MEGF10: variants seen among roughly 807,000 people sequenced by gnomAD.
MEGF10 encodes multiple EGF like domains 10.
Under a neutral mutation model 147.5 loss-of-function variants are expected in MEGF10, and 86 were observed. The ratio of observed to expected loss-of-function variants is 0.58; its 90% CI spans 0.49 to 0.70. MEGF10 has a LOEUF of 0.70. Among genes scored for constraint, MEGF10 ranks in the 30% least tolerant of loss-of-function variants. MEGF10 has a pLI of 0.00. For missense variants in MEGF10, 1,329 were observed against 1,487.3 expected (o/e 0.89, Z 1.75); for synonymous variants, 478 against 525.5 (o/e 0.91, Z 1.24).
At chr5:127,419,783 A>G (rs535153181) in intron 11 of MEGF10, among the ~76,000 whole-genome samples, 1 of 152,214 alleles carries the variant, frequency 6.6e-6, no homozygotes, top group Admixed American at 6.5e-5. Context: ...TTGACTCTAT[A>G]TCTCTTTTTC....
At chr5:127,367,111 A>G (rs1762685655) in intron 4 of MEGF10, among the ~76,000 whole-genome samples, 1 of 152,202 alleles carries the variant, frequency 6.6e-6, no homozygotes, top group African/African-American at 2.4e-5. Context: ...TTAAGAGTCA[A>G]CACAACTACA....
chr5:127,438,719 T>C, intron 17 of MEGF10, 152 bp downstream of exon 17: 1 of 728,990 alleles, frequency 1.4e-6, no homozygotes, highest in Non-Finnish European at 2.2e-6. Flanking sequence ...TAAATTTCTC[T>C]AAGTGATTAA....
At chr5:127,353,058 A>G (rs1762143987) in intron 4 of MEGF10, among the ~76,000 whole-genome samples, 1 of 152,170 alleles carries the variant, frequency 6.6e-6, no homozygotes, top group African/African-American at 2.4e-5. Flanking sequence ...GATGATCTGG[A>G]GCCAGGGAAA....
the MEGF10 span, among the ~76,000 whole-genome samples, chr5:127,247,359 GA>G: frequency 7.7e-4 from 2 of 2,608 alleles, no homozygotes; most frequent in Non-Finnish European, 1.5e-3. Context: ...AGAAGAAGAA[GA>G]AGAAGAAGAA....
intron 4 of MEGF10, among the ~76,000 whole-genome samples, chr5:127,368,312 G>A (rs1762726763): frequency 6.6e-6 from 1 of 152,026 alleles, no homozygotes; most frequent in Admixed American, 6.6e-5. Flanking sequence ...CTCTACCCTG[G>A]ACCAGGGTCC....
At chr5:127,334,419 G>A (rs909549557) in intron 2 of MEGF10, among the ~76,000 whole-genome samples, 14 of 152,074 alleles carry the variant, frequency 9.2e-5, no homozygotes, top group Admixed American at 4.6e-4. Flanking sequence ...AGATCCCAGG[G>A]AGGTTTGTCT....
At position 127,402,674 on chromosome 5, in the gene MEGF10, AG is replaced by A; in HGVS notation, c.913del (p.Glu305AsnfsTer31). ...AATGTCATTGCAGTCCAGGATACAC[AG>A]GGGAACGGTAAGGGATGCCCTTGTA... ...GQCHCSPGYT[G>X]ERCQDECPVG... is the part of the protein sequence containing the mutation. On this transcript the variant is annotated frameshift_variant, in exon 8 of 25. Transcript: ENST00000503335. LOFTEE classifies it high-confidence loss of function. 6.2e-7 allele frequency: 1 copy of A among 1,613,800 alleles called. No individual in the cohort carries two copies. The highest frequency in any genetic ancestry group is 8.5e-7 in the Non-Finnish European group (1 of 1,179,898).
At chr5:127,346,071 G>A (rs1196833241) in intron 4 of MEGF10, among the ~76,000 whole-genome samples, 1 of 152,072 alleles carries the variant, frequency 6.6e-6, no homozygotes, top group African/African-American at 2.4e-5. Flanking sequence ...GTGTATGTAT[G>A]TATGTATGTA....
chr5:127,366,293 A>G (rs898668691), intron 4 of MEGF10, among the ~76,000 whole-genome samples: 2 of 152,064 alleles, frequency 1.3e-5, no homozygotes, highest in African/African-American at 4.8e-5. Flanking sequence ...GCTCTTTTCC[A>G]TCTTTGACGA....
rs771421649 is a variant in MEGF10, at chr5:127,396,770, C to G, written c.651C>G (p.Thr217=). The G allele has an allele frequency of 4.3e-6, 7 of 1,612,858 alleles. No individual in the cohort carries two copies. In the African/African-American group the frequency reaches 9.3e-5, roughly 22 times the overall value. The change falls in exon 6 of 25, where the codon ACC becomes ACG. Residue 217 remains threonine (T), a synonymous_variant. Coordinates refer to ENST00000503335, the MANE Select transcript of MEGF10 (RefSeq NM_001256545.2). ...TGECRCPPGY[T]GAFCEDLCPP... is the part of the protein sequence containing the mutation. ...AATGCCGCTGCCCACCAGGATACACCGGAGCCTTGTAAGTCACATGCTGCC... is the reference window on the plus strand; with the variant it reads ...AATGCCGCTGCCCACCAGGATACACGGGAGCCTTGTAAGTCACATGCTGCC...
In MEGF10 at chr5:127,425,255, C is replaced by T. The variant is rs147871064; in HGVS notation, c.1693+2483C>T. On this transcript the variant is annotated intron_variant, in intron 13 of 24. Coordinates refer to ENST00000503335, the MANE Select transcript of MEGF10 (RefSeq NM_001256545.2). ...CATCTGACCTTAGACCTATCAAGCT[C>T]CTACGGGAATGCAGTGGCTTTGTCA... 2.3e-3 allele frequency among the ~76,000 whole-genome samples: 354 copies of T among 152,326 alleles called. 2 individuals are homozygous for T. The highest frequency in any genetic ancestry group is 0.015 in the South Asian group (72 of 4,830).
At chr5:127,252,892 G>A in the MEGF10 span, among the ~76,000 whole-genome samples, 1,462 of 151,818 alleles carry the variant, frequency 9.6e-3, 18 homozygotes, top group African/African-American at 0.033. Context: ...CTGTTTCAGC[G>A]CAAAGACATG....
chr5:127,386,540 CA>C (rs1763442335), intron 5 of MEGF10, among the ~76,000 whole-genome samples: 1 of 152,166 alleles, frequency 6.6e-6, no homozygotes, highest in African/African-American at 2.4e-5. Context: ...TTTTAATTGG[CA>C]ATGAAAAAGA....
the MEGF10 span, among the ~76,000 whole-genome samples, chr5:127,263,137 G>A: frequency 6.6e-6 from 1 of 152,078 alleles, no homozygotes. Flanking sequence ...ACATACTATG[G>A]TAAGCTTTTA....
intron 13 of MEGF10, 36 bp downstream of exon 13, chr5:127,422,808 C>G (rs759467105): frequency 2.6e-6 from 4 of 1,518,164 alleles, no homozygotes; most frequent in Non-Finnish European, 3.6e-6. Flanking sequence ...AAGGTGAAAC[C>G]CGCCAATTTA....
the MEGF10 span, among the ~76,000 whole-genome samples, chr5:127,257,414 A>G: frequency 6.6e-6 from 1 of 151,734 alleles, no homozygotes; most frequent in South Asian, 2.1e-4. Flanking sequence ...CTTTGGGGGA[A>G]GGTCAGAGAG....
the MEGF10 span, among the ~76,000 whole-genome samples, chr5:127,237,649 T>A: frequency 6.6e-6 from 1 of 152,174 alleles, no homozygotes; most frequent in Admixed American, 6.5e-5. Context: ...CCTGGATTTT[T>A]AAATCCTACA....
chr5:127,454,575 G>A lies in MEGF10; in HGVS notation c.2990G>A (p.Gly997Glu), dbSNP rs1766283334. ...GGYLNELGAFGLDRSYMGKSL... is the reference protein window; with the variant it reads ...GGYLNELGAFELDRSYMGKSL... ...TCTTCCTTTATTACAGGTGCTTTTG[G>A]ACTTGACAGAAGCTATATGGGAAAA... The change falls in exon 23 of 25, where the codon GGA becomes GAA. Residue 997 changes from glycine (G) to glutamate (E), a missense_variant. Around this residue, in one of 3 missense-constraint regions of MEGF10, gnomAD observed 343 missense variants for 377.9 expected, o/e 0.91. Coordinates refer to ENST00000503335, the MANE Select transcript of MEGF10 (RefSeq NM_001256545.2). 2 of 1,609,168 alleles carry A rather than the reference G, an allele frequency of 1.2e-6. No homozygotes were observed. The highest frequency in any genetic ancestry group is 1.7e-6 in the Non-Finnish European group (2 of 1,178,320).
intron 5 of MEGF10, among the ~76,000 whole-genome samples, chr5:127,374,187 C>A (rs1162065861): frequency 6.6e-6 from 1 of 152,186 alleles, no homozygotes; most frequent in Non-Finnish European, 1.5e-5. Context: ...GGTACTGGAG[C>A]AGCTATTGGC....
Sources: gnomAD v4.1 joint callset for allele counts (sites outside exome capture counted in the v4.1 genomes callset) on GRCh38, gnomAD v4.1.1 for gene constraint, gnomAD v4.1.1 regional missense constraint, MANE v1.5 for transcripts, NCBI Gene and HGNC (gene_info 2026-07-23, HGNC 2026-07-21) for gene names.